The following RERE variants were observed in gnomAD, a reference collection of about 807,000 sequenced individuals.
RERE encodes the protein arginine-glutamic acid dipeptide repeats, also known as arginine-glutamic acid dipeptide repeats protein.
In RERE, 40 loss-of-function variants were observed where a neutral mutation model predicts 146.1. The observed-to-expected ratio is 0.27, with a 90% CI of 0.21 to 0.36. The LOEUF is 0.36. Among genes scored for constraint, RERE ranks in the 10% least tolerant of loss-of-function variants. RERE has a pLI of 1.00. For missense variants in RERE, 1,933 were observed against 2,138.7 expected (o/e 0.90, Z 1.90); for synonymous variants, 1,003 against 866.0 (o/e 1.16, Z -2.78).
chr1:8,474,371 T>C (rs1644727249), intron 10 of RERE, among the ~76,000 whole-genome samples: 1 of 152,216 alleles, frequency 6.6e-6, no homozygotes, highest in Admixed American at 6.5e-5. Flanking sequence ...ATAAAGCATG[T>C]TATTTTATAG....
intron 1 of RERE, among the ~76,000 whole-genome samples, chr1:8,681,994 T>C (rs568311350): frequency 6.6e-6 from 1 of 152,304 alleles, no homozygotes; most frequent in African/African-American, 2.4e-5. Flanking sequence ...TATATTCTAC[T>C]CTCATTTCAA....
intron 1 of RERE, among the ~76,000 whole-genome samples, chr1:8,705,098 C>A (rs1346794857): frequency 1.3e-5 from 2 of 152,216 alleles, no homozygotes; most frequent in Non-Finnish European, 2.9e-5. Context: ...ATGGCACAGG[C>A]TGAAAAGAAT....
intron 7 of RERE, chr1:8,525,972 T>G: frequency 7.4e-7 from 1 of 1,352,870 alleles, no homozygotes; most frequent in East Asian, 3.0e-5. Flanking sequence ...CCCCTCACTC[T>G]GACAGGACTG....
chr1:8,676,245 C>CTTAGGAGTTAAATCTTACAAT (rs1420591728), intron 1 of RERE, among the ~76,000 whole-genome samples: 2 of 152,124 alleles, frequency 1.3e-5, no homozygotes, highest in East Asian at 3.8e-4. Context: ...TTTAACTGCA[C>CTTAGGAGTTAAATCTTACAAT]TTAACTATCT....
chr1:8,598,263 C>A (rs533927722), intron 4 of RERE, among the ~76,000 whole-genome samples: 1 of 152,174 alleles, frequency 6.6e-6, no homozygotes, highest in Non-Finnish European at 1.5e-5. Flanking sequence ...AACGAACATA[C>A]GAGCTGTGAA....
At chr1:8,469,783 C>A (rs936140089) in intron 10 of RERE, among the ~76,000 whole-genome samples, 1 of 152,110 alleles carries the variant, frequency 6.6e-6, no homozygotes, top group East Asian at 1.9e-4. Flanking sequence ...TTTGGTGAAC[C>A]AAGAAGAGTT....
intron 4 of RERE, among the ~76,000 whole-genome samples, chr1:8,595,454 TTTA>T (rs1177605918): frequency 1.3e-5 from 2 of 151,810 alleles, no homozygotes; most frequent in Admixed American, 6.6e-5. Flanking sequence ...TTTAATGTAT[TTTA>T]TTATTAATGT....
intron 7 of RERE, among the ~76,000 whole-genome samples, chr1:8,514,027 T>C (rs900893001): frequency 1.3e-5 from 2 of 152,238 alleles, no homozygotes; most frequent in Admixed American, 1.3e-4. Flanking sequence ...CAGTTCTTTA[T>C]ACAGCATTTT....
intron 10 of RERE, among the ~76,000 whole-genome samples, chr1:8,481,752 G>C (rs1214461092): frequency 6.6e-6 from 1 of 152,086 alleles, no homozygotes; most frequent in Non-Finnish European, 1.5e-5. Context: ...AAAAGCTCAG[G>C]GTGGGAAAGA....
chr1:8,356,361 G>A lies in RERE; in HGVS notation c.4340-115C>T. The A allele has an allele frequency of 2.5e-6, 3 of 1,218,760 alleles. No individual in the cohort carries two copies. The South Asian group carries it at 5.9e-5, about 24-fold the overall frequency. The allele number at this position is 1,218,760 out of a possible 1,614,324, so 75.5% of individuals were successfully genotyped here. The stretch of plus-strand genomic sequence containing the variant: ...CACCCAGGATGGCTCCTGGTCACCA[G>A]GGCTGGATGCACCACCTGGCTACAG... On this transcript the variant is annotated intron_variant, in intron 20 of 22. Transcript: ENST00000400908. This position sits in a 1 kb window ranked among gnomAD's most constrained non-coding sequence, Gnocchi z 5.2.
intron 1 of RERE, chr1:8,799,486 T>C (rs901553692): frequency 9.9e-6 from 2 of 201,300 alleles, no homozygotes; most frequent in African/African-American, 2.3e-5. Context: ...CAAGTGGTTC[T>C]TCCAGAAGCT....
intron 11 of RERE, among the ~76,000 whole-genome samples, chr1:8,433,553 C>CTT (rs35096712): frequency 0.27 from 35,002 of 130,028 alleles, 5,229 homozygotes; most frequent in Non-Finnish European, 0.31. Context: ...CCATTCATTT[C>CTT]TTTTTTTTTT....
In RERE at chr1:8,364,102, C is replaced by T; in HGVS notation, c.1694G>A (p.Gly565Glu). The change falls in exon 15 of 23, where the codon GGG becomes GAG. Residue 565 changes from glycine (G) to glutamate (E), a missense_variant. Coordinates refer to ENST00000400908, the MANE Select transcript of RERE (RefSeq NM_001042681.2). This position sits in a 1 kb window ranked among gnomAD's most constrained non-coding sequence, Gnocchi z 5.1. The stretch of plus-strand genomic sequence containing the variant: ...CCTCATGCTATGCTTCCCACTGAGC[C>T]CATCATCCTCTTCCTTGACGGGTTT... ...MFKPVKEEDDGLSGKHSMRTR... is the reference protein window; with the variant it reads ...MFKPVKEEDDELSGKHSMRTR... 6.2e-7 allele frequency: 1 copy of T among 1,614,216 alleles called. No homozygotes were observed. The highest frequency in any genetic ancestry group is 1.1e-5 in the South Asian group (1 of 91,088).
At chr1:8,371,050 C>T (rs1012614544) in intron 12 of RERE, among the ~76,000 whole-genome samples, 6 of 152,128 alleles carry the variant, frequency 3.9e-5, no homozygotes, top group African/African-American at 1.2e-4. Context: ...TGTCTCGGTG[C>T]TATAATTGCA....
At chr1:8,664,280 G>T (rs1638521993) in intron 1 of RERE, among the ~76,000 whole-genome samples, 1 of 152,262 alleles carries the variant, frequency 6.6e-6, no homozygotes, top group Middle Eastern at 3.4e-3. Flanking sequence ...ATCCTCTCCA[G>T]GGCCTATCTA....
At chr1:8,374,906 G>A (rs1242273939) in intron 12 of RERE, among the ~76,000 whole-genome samples, 1 of 152,084 alleles carries the variant, frequency 6.6e-6, no homozygotes, top group Non-Finnish European at 1.5e-5. Flanking sequence ...AGGCCCTGTA[G>A]TCCTCCTCAT....
chr1:8,533,649 T>G (rs1011707423), intron 7 of RERE, among the ~76,000 whole-genome samples: 8 of 152,252 alleles, frequency 5.3e-5, no homozygotes, highest in African/African-American at 1.9e-4. Flanking sequence ...TGGGTTTCCC[T>G]GTTACTCCCC....
At chr1:8,495,360 G>A (rs1445491554) in intron 9 of RERE, among the ~76,000 whole-genome samples, 198 bp from the exon 10 acceptor site, 1 of 151,070 alleles carries the variant, frequency 6.6e-6, no homozygotes, top group African/African-American at 2.4e-5. Flanking sequence ...TGTCATCCAG[G>A]CTGGAGTACA....
At chr1:8,548,523 CAA>C (rs748847443) in intron 6 of RERE, among the ~76,000 whole-genome samples, 1 of 152,016 alleles carries the variant, frequency 6.6e-6, no homozygotes, top group Non-Finnish European at 1.5e-5. Flanking sequence ...AGACCGAAAA[CAA>C]AAAGAGTCAA....
Sources: gnomAD v4.1 joint callset for allele counts (sites outside exome capture counted in the v4.1 genomes callset) on GRCh38, gnomAD v4.1.1 for gene constraint, Gnocchi (gnomAD v3.1) non-coding constraint, MANE v1.5 for transcripts, NCBI Gene and HGNC (gene_info 2026-07-23, HGNC 2026-07-21) for gene names.